EXOC6B: variants seen among roughly 807,000 people sequenced by gnomAD.
EXOC6B encodes the protein SEC15 homolog B.
EXOC6B carries 54 observed loss-of-function variants against 113.5 expected under a neutral mutation model. The observed-to-expected ratio is 0.48, with a 90% CI of 0.38 to 0.60. The LOEUF is 0.60. Ranked by LOEUF, EXOC6B falls within the 20% of genes least tolerant of loss-of-function variation. EXOC6B has a pLI of 0.00. For missense variants in EXOC6B, 797 were observed against 977.5 expected, an observed-to-expected ratio of 0.82 and a Z score of 2.46; for synonymous variants, 357 against 339.0, an observed-to-expected ratio of 1.05 and a Z score of -0.58.
Position 72,624,291 on chromosome 2 carries a change from G to A in EXOC6B, c.670-48623C>T, listed in dbSNP as rs1010202418. ...TTTTTTATTTTTTGTAGAGACAGGG[G>A]TTTTGCTATATTGCCCAGGCTGGTC... On this transcript the variant is annotated intron_variant, in intron 6 of 21. Transcript: ENST00000272427. Among the ~76,000 whole-genome samples the A allele has an allele frequency of 2.6e-5, 4 of 152,134 alleles. 1 individual carries two copies. Among genetic ancestry groups the A allele is most frequent in the African/African-American group, 9.6e-5 (4 of 41,496 alleles).
intron 2 of EXOC6B, among the ~76,000 whole-genome samples, chr2:72,734,254 A>C (rs1035848282): frequency 1.3e-5 from 2 of 152,202 alleles, no homozygotes; most frequent in Non-Finnish European, 2.9e-5. Flanking sequence ...AGCCAAAATG[A>C]AATCTGAACT....
At chr2:72,704,123 CTA>C (rs1391815527) in intron 6 of EXOC6B, among the ~76,000 whole-genome samples, 1 of 150,006 alleles carries the variant, frequency 6.7e-6, no homozygotes, top group Non-Finnish European at 1.5e-5. Context: ...TTATAACAAA[CTA>C]TCTCTCAGAC....
At chr2:72,647,799 A>C (rs571117433) in intron 6 of EXOC6B, among the ~76,000 whole-genome samples, 1 of 152,362 alleles carries the variant, frequency 6.6e-6, no homozygotes, top group Non-Finnish European at 1.5e-5. Flanking sequence ...TTAAAGACTT[A>C]AATGTTAGAC....
At position 72,733,077 on chromosome 2, in the gene EXOC6B, TC is replaced by T; in HGVS notation, c.320del (p.Gly107GlufsTer5). The T allele has an allele frequency of 6.3e-7, 1 of 1,590,526 alleles. No individual in the cohort carries two copies. The highest frequency in any genetic ancestry group is 8.6e-7 in the Non-Finnish European group (1 of 1,165,744). ...TDTNRKLQHEGKELVIAMEEL... is the reference protein window; with the variant it reads ...TDTNRKLQHEXKELVIAMEEL... ...AAAGGTAAACTGGTCTTACTTCCTT[TC>T]CCTCATGTTGTAGTTTTCTATTAGT... On this transcript the variant is annotated frameshift_variant, in exon 3 of 22. Transcript: ENST00000272427. LOFTEE classifies it high-confidence loss of function.
At chr2:72,583,711 G>T (rs558063564) in intron 6 of EXOC6B, among the ~76,000 whole-genome samples, 28 of 144,866 alleles carry the variant, frequency 1.9e-4, no homozygotes, top group Non-Finnish European at 3.7e-4. Context: ...AAGTTCTCTG[G>T]TTTTTTTTGT....
chr2:72,651,734 T>G (rs965418969), intron 6 of EXOC6B, among the ~76,000 whole-genome samples: 4 of 152,148 alleles, frequency 2.6e-5, no homozygotes, highest in African/African-American at 9.7e-5. Context: ...TAGCTGGGAC[T>G]ACAGGCACCT....
At chr2:72,729,510 G>A (rs942856934) in intron 5 of EXOC6B, among the ~76,000 whole-genome samples, 13 of 149,690 alleles carry the variant, frequency 8.7e-5, no homozygotes, top group South Asian at 4.2e-4. Context: ...TCCCAAATTC[G>A]AGCTATCATG....
chr2:72,215,530 G>C (rs1680469430), intron 20 of EXOC6B, among the ~76,000 whole-genome samples: 1 of 152,140 alleles, frequency 6.6e-6, no homozygotes, highest in African/African-American at 2.4e-5. Flanking sequence ...GTTGATTGCA[G>C]AACCAACTAG....
chr2:72,767,911 T>C (rs921845778), intron 1 of EXOC6B, among the ~76,000 whole-genome samples: 5 of 138,286 alleles, frequency 3.6e-5, no homozygotes, highest in African/African-American at 1.1e-4. Flanking sequence ...AGGTCAGGAG[T>C]TCAAGACCAG....
At chr2:72,471,898 C>T (rs1698435809) in intron 17 of EXOC6B, among the ~76,000 whole-genome samples, 1 of 152,042 alleles carries the variant, frequency 6.6e-6, no homozygotes, top group African/African-American at 2.4e-5. Context: ...TATGTTCCTT[C>T]TATATTTGGC....
chr2:72,541,355 T>G (rs1265419125), intron 8 of EXOC6B, among the ~76,000 whole-genome samples: 1 of 152,172 alleles, frequency 6.6e-6, no homozygotes, highest in Non-Finnish European at 1.5e-5. Flanking sequence ...ACAGAATATG[T>G]GAAAAACATT....
At position 72,800,875 on chromosome 2, in the gene EXOC6B, C is replaced by T. The variant is rs1573818783; in HGVS notation, c.113+24923G>A. Among the ~76,000 whole-genome samples the T allele has an allele frequency of 1.3e-5, 2 of 152,084 alleles. 1 individual carries two copies. Among genetic ancestry groups the T allele is most frequent in the East Asian group, 3.8e-4 (2 of 5,200 alleles). ...GTCAAGATGATGTACACTCTATCAA[C>T]GATGTAAAATAATGGACTTTCTCCA... is the stretch of plus-strand genomic sequence containing the variant. On this transcript the variant is annotated intron_variant, in intron 1 of 21. Coordinates refer to ENST00000272427, the MANE Select transcript of EXOC6B (RefSeq NM_015189.3).
At chr2:72,250,718 A>AT (rs1194158963) in intron 20 of EXOC6B, among the ~76,000 whole-genome samples, 1 of 151,926 alleles carries the variant, frequency 6.6e-6, no homozygotes, top group Non-Finnish European at 1.5e-5. Context: ...ATCTATTATG[A>AT]TTTTTTGGAA....
chr2:72,503,180 C>T lies in EXOC6B; in HGVS notation c.1168-3208G>A, dbSNP rs368957739. ...TGTGGTACAATTAATAACTGATGAG[C>T]CAATATCAACACAAAATTATTAAAC... On this transcript the variant is annotated intron_variant, in intron 11 of 21. Coordinates refer to ENST00000272427, the MANE Select transcript of EXOC6B (RefSeq NM_015189.3). 3.4e-4 allele frequency among the ~76,000 whole-genome samples: 51 copies of T among 152,166 alleles called. No homozygotes were observed. The East Asian group carries it at 9.7e-3, about 29-fold the overall frequency.
At chr2:72,692,446 G>A (rs1360279947) in intron 6 of EXOC6B, among the ~76,000 whole-genome samples, 1 of 151,214 alleles carries the variant, frequency 6.6e-6, no homozygotes, top group Non-Finnish European at 1.5e-5. Context: ...CTGCCTCCCG[G>A]GTTCATGCCA....
chr2:72,478,776 T>A (rs1267566294), intron 17 of EXOC6B, among the ~76,000 whole-genome samples: 2 of 152,348 alleles, frequency 1.3e-5, no homozygotes, highest in East Asian at 3.9e-4. Flanking sequence ...AGAAAGAGTA[T>A]CAGTGGATAC....
chr2:72,409,076 C>G (rs1693987003), intron 18 of EXOC6B, among the ~76,000 whole-genome samples: 2 of 152,098 alleles, frequency 1.3e-5, no homozygotes, highest in African/African-American at 4.8e-5. Context: ...AGACACTTCT[C>G]AAAAGAAGAC....
Position 72,731,180 on chromosome 2 carries a change from A to C in EXOC6B, c.393T>G (p.Val131=). 6.2e-7 allele frequency: 1 copy of C among 1,613,294 alleles called. No homozygotes were observed. Among genetic ancestry groups the C allele is most frequent in the African/African-American group, 1.3e-5 (1 of 75,040 alleles). Residue 131 remains valine (V), a synonymous_variant, in exon 4 of 22, where the codon GTT becomes GTG. Transcript: ENST00000272427. The part of the protein sequence containing the change: ...RLQQRNISAT[V]DKLMLCLPVL... ...CTGGAAGACACAGCATTAATTTATCAACAGTGGCAGAAATATTTCTCTGTT... is the reference window on the plus strand; with the variant it reads ...CTGGAAGACACAGCATTAATTTATCCACAGTGGCAGAAATATTTCTCTGTT...
At chr2:72,429,871 C>T (rs1262941287) in intron 18 of EXOC6B, among the ~76,000 whole-genome samples, 4 of 152,194 alleles carry the variant, frequency 2.6e-5, no homozygotes, top group African/African-American at 9.7e-5. Flanking sequence ...AGATGGGAGA[C>T]TGCTTTAGCA....
Sources: gnomAD v4.1 joint callset for allele counts (sites outside exome capture counted in the v4.1 genomes callset) on GRCh38, gnomAD v4.1.1 for gene constraint, MANE v1.5 for transcripts, NCBI Gene and HGNC (gene_info 2026-07-23, HGNC 2026-07-21) for gene names.